The following FIBCD1 variants were observed in gnomAD, a reference collection of about 807,000 sequenced individuals.
FIBCD1 encodes fibrinogen C domain-containing protein 1.
In FIBCD1, 47 loss-of-function variants were observed where a neutral mutation model predicts 45.1. The observed-to-expected ratio is 1.04, with a 90% confidence interval of 0.82 to 1.33. The LOEUF is 1.33. FIBCD1 is among the 40% of genes most tolerant of loss of function. The probability of loss-of-function intolerance (pLI) is 0.00; values close to 1 mark genes in which losing one functional copy is unlikely to be tolerated. For missense variants in FIBCD1, 653 were observed against 682.2 expected (o/e 0.96, Z 0.48); for synonymous variants, 313 against 308.1 (o/e 1.02, Z -0.17).
At chr9:130,935,912 C>T (rs1832512155) in intron 1 of FIBCD1, among the ~76,000 whole-genome samples, 1 of 152,228 alleles carries the variant, frequency 6.6e-6, no homozygotes, top group African/African-American at 2.4e-5. Context: ...CAGCGTTATG[C>T]TCCCAGAGGA....
chr9:130,926,104 G>C lies in FIBCD1; in HGVS notation c.553-1708C>G, dbSNP rs1832354096. On this transcript the variant is annotated intron_variant, in intron 2 of 6. Transcript: ENST00000372338. The surrounding 1 kb of genome is among the most constrained non-coding windows in gnomAD (Gnocchi z 4.1). The stretch of plus-strand genomic sequence containing the variant: ...CTCCACTGGGCACGCCCCACAGAGG[G>C]ACACAGGCAGCACACCCCAACCGGG... 6.6e-6 allele frequency among the ~76,000 whole-genome samples: 1 copy of C among 152,150 alleles called. No homozygotes were observed. Among genetic ancestry groups the C allele is most frequent in the East Asian group, 1.9e-4 (1 of 5,186 alleles).
At chr9:130,918,971 T>C (rs563218481) in intron 4 of FIBCD1, among the ~76,000 whole-genome samples, 6 of 152,324 alleles carry the variant, frequency 3.9e-5, no homozygotes, top group Admixed American at 3.3e-4. Context: ...AGCCAGCTGC[T>C]GAGCCCAGAA....
At chr9:130,927,372 AT>A (rs1832378712) in intron 2 of FIBCD1, among the ~76,000 whole-genome samples, 1 of 152,324 alleles carries the variant, frequency 6.6e-6, no homozygotes, top group South Asian at 2.1e-4. Flanking sequence ...GACCATGAGT[AT>A]CCCCCACGTG....
chr9:130,934,695 C>T (rs1347597256), intron 1 of FIBCD1, among the ~76,000 whole-genome samples: 2 of 152,234 alleles, frequency 1.3e-5, no homozygotes, highest in Non-Finnish European at 2.9e-5. Context: ...CCCAAACCAG[C>T]GTCTCTCCAC....
intron 2 of FIBCD1, among the ~76,000 whole-genome samples, chr9:130,925,925 C>T (rs1832351091): frequency 1.3e-5 from 2 of 152,216 alleles, no homozygotes; most frequent in African/African-American, 2.4e-5. Flanking sequence ...ATTCCCGGCT[C>T]GTCCAGAGGC....
intron 4 of FIBCD1, among the ~76,000 whole-genome samples, chr9:130,912,986 C>G (rs554368311): frequency 1.3e-5 from 2 of 152,098 alleles, no homozygotes; most frequent in Non-Finnish European, 2.9e-5. Context: ...GCTGGGAAAC[C>G]GGAGTCCAGG....
In FIBCD1 at chr9:130,920,304, C is replaced by T. The variant is rs552150402; in HGVS notation, c.849+3440G>A. Among the ~76,000 whole-genome samples, 170 of 152,186 alleles carry T rather than the reference C, an allele frequency of 1.1e-3. 1 individual carries two copies. The highest frequency in any genetic ancestry group is 1.9e-3 in the Non-Finnish European group (126 of 67,980). ...AGATGCTACAAGGCAGAGCCAGATC[C>T]TGTGTTCACAGGGAACCCCCAGGGC... On this transcript the variant is annotated intron_variant, in intron 4 of 6. Coordinates refer to ENST00000372338, the MANE Select transcript of FIBCD1 (RefSeq NM_032843.5).
upstream of FIBCD1, among the ~76,000 whole-genome samples, chr9:130,940,464 C>T (rs145867973): frequency 8.9e-3 from 1,354 of 152,364 alleles, 10 homozygotes; most frequent in Admixed American, 0.015. Flanking sequence ...GGCCTCTGGC[C>T]CTTTCTGGCC....
In FIBCD1 at chr9:130,911,890, T is replaced by G. The variant is rs1008062686; in HGVS notation, c.850-2A>C. The G allele has an allele frequency of 6.4e-7, 1 of 1,570,586 alleles. No homozygotes were observed. The highest frequency in any genetic ancestry group is 1.2e-5 in the South Asian group (1 of 85,536). ...GCCGTCCTCCCGGCGCTGAAACACC[T>G]GCAAAGGGAAGATGGGGATGGGGCG... is the stretch of plus-strand genomic sequence containing the variant. On this transcript the variant is annotated splice_acceptor_variant, in intron 4 of 6. Coordinates refer to ENST00000372338, the MANE Select transcript of FIBCD1 (RefSeq NM_032843.5). LOFTEE classifies it high-confidence loss of function.
At position 130,909,026 on chromosome 9, in the gene FIBCD1, A is replaced by G. The variant is rs1831987787; in HGVS notation, c.946+2766T>C. Reference sequence around the variant, plus strand: ...GCCCTCCTGACCCCGGCTGGTGCCCAGACCTGCGCTCTCAGCCTCTCAGGT... The same window carrying G: ...GCCCTCCTGACCCCGGCTGGTGCCCGGACCTGCGCTCTCAGCCTCTCAGGT... On this transcript the variant is annotated intron_variant, in intron 5 of 6. Transcript: ENST00000372338. Among the ~76,000 whole-genome samples, 5 of 152,134 alleles carry G rather than the reference A, an allele frequency of 3.3e-5. No homozygotes were observed. The South Asian group carries it at 1.0e-3, about 32-fold the overall frequency.
At chr9:130,937,140 T>G (rs1320214466) in intron 1 of FIBCD1, among the ~76,000 whole-genome samples, 1 of 152,136 alleles carries the variant, frequency 6.6e-6, no homozygotes, top group East Asian at 1.9e-4. Context: ...AGGTTAGGGA[T>G]GGCCTTGGAG....
In FIBCD1 at chr9:130,903,825, GC is replaced by G. The variant is rs1831875685; in HGVS notation, c.*238del. The G allele has an allele frequency of 1.6e-6, 1 of 611,360 alleles. No homozygotes were observed. The highest frequency in any genetic ancestry group is 3.0e-6 in the Non-Finnish European group (1 of 334,634). 37.9% of individuals were successfully genotyped at this position (611,360 alleles called of 1,614,324 possible). On this transcript the variant is annotated 3_prime_UTR_variant, in exon 7 of 7. Coordinates refer to ENST00000372338, the MANE Select transcript of FIBCD1 (RefSeq NM_032843.5). ...GGAGTTGGGGTCGTCAAGTTTGCCA[GC>G]CCCCATCAGCAGAGGCAAGAGATCA...
chr9:130,929,501 A>T, intron 2 of FIBCD1, 66 bp downstream of exon 2: 1 of 1,472,652 alleles, frequency 6.8e-7, no homozygotes, highest in Non-Finnish European at 8.9e-7. Flanking sequence ...GGCGCCTGGC[A>T]CATGGCAGCA....
intron 1 of FIBCD1, among the ~76,000 whole-genome samples, chr9:130,932,909 C>T (rs1188565865): frequency 6.6e-6 from 1 of 152,218 alleles, no homozygotes; most frequent in African/African-American, 2.4e-5. Context: ...TTGCCCCGAG[C>T]AGCTCAGGGC....
At chr9:130,915,187 G>A (rs1252777078) in intron 4 of FIBCD1, among the ~76,000 whole-genome samples, 1 of 152,176 alleles carries the variant, frequency 6.6e-6, no homozygotes. Flanking sequence ...GCCAAGAGCT[G>A]GTCCCTGCAC....
chr9:130,938,502 C>A (rs762683300), intron 1 of FIBCD1, 34 bp downstream of exon 1: 2 of 1,463,506 alleles, frequency 1.4e-6, no homozygotes, highest in Middle Eastern at 2.0e-4. Flanking sequence ...CCTGGCCAGC[C>A]GCCCAGGCCC....
chr9:130,916,103 G>C (rs1330816315), intron 4 of FIBCD1, among the ~76,000 whole-genome samples: 1 of 152,112 alleles, frequency 6.6e-6, no homozygotes, highest in Non-Finnish European at 1.5e-5. Flanking sequence ...TAAGTTTTTT[G>C]TATTTTTAGT....
At chr9:130,916,048 C>CCTCCT (rs1159537534) in intron 4 of FIBCD1, among the ~76,000 whole-genome samples, 1 of 152,204 alleles carries the variant, frequency 6.6e-6, no homozygotes, top group Non-Finnish European at 1.5e-5. Context: ...TCTGCCTCAG[C>CCTCCT]CTCCTGAGTA....
At chr9:130,921,825 C>T (rs1270354619) in intron 4 of FIBCD1, among the ~76,000 whole-genome samples, 3 of 152,248 alleles carry the variant, frequency 2.0e-5, no homozygotes, top group Non-Finnish European at 4.4e-5. Context: ...TTTTATCCCC[C>T]AGACGCAGCT....
Sources: gnomAD v4.1 joint callset for allele counts (sites outside exome capture counted in the v4.1 genomes callset) on GRCh38, gnomAD v4.1.1 for gene constraint, Gnocchi (gnomAD v3.1) non-coding constraint, MANE v1.5 for transcripts, NCBI Gene and HGNC (gene_info 2026-07-23, HGNC 2026-07-21) for gene names.